The following PKHD1 variants were observed in gnomAD, a reference collection of about 807,000 sequenced individuals.
The protein encoded by PKHD1 is fibrocystin.
In PKHD1, 291 loss-of-function variants were observed where a neutral mutation model predicts 412.0. That is an observed-to-expected ratio of 0.71 (90% CI 0.64 to 0.78). The LOEUF (loss-of-function observed/expected upper bound fraction) is 0.78. Ranked by LOEUF, PKHD1 falls within the 30% of genes least tolerant of loss-of-function variation. The pLI, the probability that PKHD1 is intolerant of heterozygous loss-of-function variation, is 0.00. For missense variants in PKHD1, 4,825 were observed against 4,950.7 expected (o/e 0.97, Z 0.76); for synonymous variants, 1,777 against 1,821.5 (o/e 0.98, Z 0.62).
Position 51,759,559 on chromosome 6 carries a change from T to C in PKHD1, c.8643-4621A>G, listed in dbSNP as rs77205459. Among the ~76,000 whole-genome samples, 4 of 151,870 alleles carry C rather than the reference T, an allele frequency of 2.6e-5. No homozygotes were observed. The South Asian group carries it at 8.3e-4, about 32-fold the overall frequency. ...TATTCTCCAGTAGAAAAAAAAGAGG[T>C]TGAAATAAAGAAGTAAAAAAGTAGA... is the stretch of plus-strand genomic sequence containing the variant. On this transcript the variant is annotated intron_variant, in intron 55 of 66. Transcript: ENST00000371117.
At chr6:51,885,609 C>CTCTT (rs1235903379) in intron 45 of PKHD1, among the ~76,000 whole-genome samples, 1 of 152,136 alleles carries the variant, frequency 6.6e-6, no homozygotes, top group East Asian at 1.9e-4. Context: ...TTCTGTTGTT[C>CTCTT]TCTTCTAGGG....
chr6:52,046,260 G>A, intron 23 of PKHD1, 72 bp from the exon 24 acceptor site: 1 of 1,133,060 alleles, frequency 8.8e-7, no homozygotes, highest in Non-Finnish European at 1.3e-6. Flanking sequence ...CATCCTCAAG[G>A]ATAACACGAT....
intron 52 of PKHD1, among the ~76,000 whole-genome samples, chr6:51,813,236 ATTTTGATTTCTTAG>A (rs1182886682): frequency 6.6e-6 from 1 of 152,162 alleles, no homozygotes; most frequent in African/African-American, 2.4e-5. Context: ...ACTGCTCTCA[ATTTTGATTTCTTAG>A]TGTGTCAAAC....
At chr6:52,037,155 A>G (rs945400798) in intron 27 of PKHD1, among the ~76,000 whole-genome samples, 1 of 152,152 alleles carries the variant, frequency 6.6e-6, no homozygotes, top group Non-Finnish European at 1.5e-5. Context: ...TATTCAGTAA[A>G]TAAAATAAGT....
Position 52,056,748 on chromosome 6 carries a change from T to G in PKHD1, c.1643A>C (p.Lys548Thr), listed in dbSNP as rs145163993. 3.1e-6 allele frequency: 5 copies of G among 1,614,024 alleles called. No homozygotes were observed. The highest frequency in any genetic ancestry group is 4.2e-6 in the Non-Finnish European group (5 of 1,179,898). Residue 548 changes from lysine (K) to threonine (T), a missense_variant, in exon 18 of 67, where the codon AAA becomes ACA. By Grantham distance (78) the Lys-to-Thr change is moderately conservative. Coordinates refer to ENST00000371117, the MANE Select transcript of PKHD1 (RefSeq NM_138694.4). ...GATGTTAGACCAAAGGGGTTCCAGT[T>G]TGCATTTTACTGCAAGTAACTCCTC... is the stretch of plus-strand genomic sequence containing the variant. ...TIEELLAVKC[K>T]LEPLWSNILL...
At chr6:52,007,642 G>T (rs1394313005) in intron 35 of PKHD1, among the ~76,000 whole-genome samples, 1 of 152,150 alleles carries the variant, frequency 6.6e-6, no homozygotes, top group Non-Finnish European at 1.5e-5. Flanking sequence ...ACTCTCAAAA[G>T]CATCCTGGTT....
chr6:51,716,731 T>C (rs1781306437), intron 60 of PKHD1, among the ~76,000 whole-genome samples: 1 of 152,076 alleles, frequency 6.6e-6, no homozygotes, highest in African/African-American at 2.4e-5. Context: ...TTTATCAGTA[T>C]TTCCCTGGGC....
chr6:51,721,461 A>G, intron 60 of PKHD1: 1 of 772,108 alleles, frequency 1.3e-6, no homozygotes, highest in Non-Finnish European at 1.6e-6. Flanking sequence ...AAATAAAATA[A>G]GGCTTCTCTA....
In PKHD1 at chr6:51,856,058, A is replaced by G; in HGVS notation, c.7746T>C (p.Pro2582=). The change falls in exon 49 of 67, where the codon CCT becomes CCC. Residue 2582 remains proline, a synonymous_variant. Coordinates refer to ENST00000371117, the MANE Select transcript of PKHD1 (RefSeq NM_138694.4). ...HRMSIGLANT[P]EVSYDLTMTD... is the part of the protein sequence containing the mutation. The stretch of plus-strand genomic sequence containing the variant: ...TCATGGTTAAATCATAAGAAACTTC[A>G]GGAGTATTCGCTCTAAGGTGATTTT... The G allele has an allele frequency of 6.2e-7, 1 of 1,600,626 alleles. No individual in the cohort carries two copies. The highest frequency in any genetic ancestry group is 1.1e-5 in the South Asian group (1 of 90,598).
At chr6:52,067,940 G>A (rs1479513430) in intron 11 of PKHD1, among the ~76,000 whole-genome samples, 1 of 152,096 alleles carries the variant, frequency 6.6e-6, no homozygotes, top group Non-Finnish European at 1.5e-5. Context: ...GGCAAGTCAG[G>A]GCCTCTAGAA....
intron 61 of PKHD1, among the ~76,000 whole-genome samples, 198 bp downstream of exon 61, chr6:51,658,754 T>C (rs1772306073): frequency 6.6e-6 from 1 of 152,102 alleles, no homozygotes; most frequent in South Asian, 2.1e-4. Context: ...AATAGAATAA[T>C]CATGAAAAAC....
intron 37 of PKHD1, among the ~76,000 whole-genome samples, chr6:51,929,123 CGA>C (rs1561907382): frequency 6.6e-6 from 1 of 151,904 alleles, no homozygotes; most frequent in African/African-American, 2.4e-5. Flanking sequence ...AATCAGGTGA[CGA>C]GAGAGTGGAG....
intron 43 of PKHD1, among the ~76,000 whole-genome samples, chr6:51,902,953 T>G (rs1781507460): frequency 6.6e-6 from 1 of 152,162 alleles, no homozygotes. Context: ...TTGAACACTC[T>G]TAAAGGACAA....
Position 51,619,022 on chromosome 6 carries a change from T to C in PKHD1, c.*59A>G. ...GGACAGTCCTCACTTCCCCAGCTTATTATCCAGAAATACTGGGAACATTCT... is the reference window on the plus strand; with the variant it reads ...GGACAGTCCTCACTTCCCCAGCTTACTATCCAGAAATACTGGGAACATTCT... On this transcript the variant is annotated 3_prime_UTR_variant, in exon 67 of 67. Coordinates refer to ENST00000371117, the MANE Select transcript of PKHD1 (RefSeq NM_138694.4). 6.7e-7 allele frequency: 1 copy of C among 1,492,218 alleles called. No individual in the cohort carries two copies. The highest frequency in any genetic ancestry group is 9.3e-7 in the Non-Finnish European group (1 of 1,070,356). 92.4% of individuals were successfully genotyped at this position (1,492,218 alleles called of 1,614,324 possible).
chr6:51,652,232 T>C (rs1022276733), intron 61 of PKHD1, among the ~76,000 whole-genome samples: 4 of 152,088 alleles, frequency 2.6e-5, no homozygotes, highest in Non-Finnish European at 5.9e-5. Flanking sequence ...AGGAGAAAAG[T>C]CAAGAAAATA....
chr6:51,854,268 A>C (rs1377739687), intron 49 of PKHD1, among the ~76,000 whole-genome samples: 2 of 151,932 alleles, frequency 1.3e-5, no homozygotes, highest in African/African-American at 2.4e-5. Flanking sequence ...GATGTCACTC[A>C]AGGAGACAGG....
chr6:51,719,644 G>C (rs1781675157), intron 60 of PKHD1, among the ~76,000 whole-genome samples: 1 of 152,068 alleles, frequency 6.6e-6, no homozygotes, highest in Admixed American at 6.6e-5. Context: ...GTTTTTATAA[G>C]TTGTAAATTA....
In PKHD1 at chr6:51,847,762, A is replaced by G; in HGVS notation, c.8107+13T>C. ...TATGTGCTCTCAAAACATTCATCCAATTGGATACTTACCCAGATAGGTGAG... is the reference window on the plus strand; with the variant it reads ...TATGTGCTCTCAAAACATTCATCCAGTTGGATACTTACCCAGATAGGTGAG... On this transcript the variant is annotated intron_variant, in intron 50 of 66. Coordinates refer to ENST00000371117, the MANE Select transcript of PKHD1 (RefSeq NM_138694.4). 1 of 1,581,296 alleles carries G rather than the reference A, an allele frequency of 6.3e-7. No homozygotes were observed. Among genetic ancestry groups the G allele is most frequent in the Non-Finnish European group, 8.7e-7 (1 of 1,150,206 alleles).
In PKHD1 at chr6:52,043,632, G is replaced by A. The variant is rs758383397; in HGVS notation, c.2814C>T (p.Tyr938=). ...CCAAGTGACAAATCATACCAATGGA[G>A]TACCACACAGAATGGACACAGGGAG... ...GSTPCVHSVW[Y]SIDGDINLMI... The change falls in exon 26 of 67, where the codon TAC becomes TAT. Residue 938 remains tyrosine (Y), a synonymous_variant. Coordinates refer to ENST00000371117, the MANE Select transcript of PKHD1 (RefSeq NM_138694.4). The A allele has an allele frequency of 1.9e-6, 3 of 1,607,014 alleles. No individual in the cohort carries two copies. In the African/African-American group the frequency reaches 4.0e-5, roughly 21 times the overall value.
Sources: allele counts gnomAD v4.1 joint callset (sites outside exome capture counted in the v4.1 genomes callset), GRCh38; gene constraint gnomAD v4.1.1; transcripts MANE v1.5; gene names NCBI Gene and HGNC (gene_info 2026-07-23, HGNC 2026-07-21).